The following C9orf85 variants were observed in gnomAD, a reference collection of about 807,000 sequenced individuals.
C9orf85 encodes the protein uncharacterized protein C9orf85.
In C9orf85, 16 loss-of-function variants were observed where a neutral mutation model predicts 14.9. The ratio of observed to expected loss-of-function variants is 1.08; its 90% CI spans 0.73 to 1.63. The LOEUF (loss-of-function observed/expected upper bound fraction) is 1.63. C9orf85 is among the 40% of genes most tolerant of loss of function. C9orf85 has a pLI of 0.00. For synonymous variants in C9orf85, 45 were observed against 56.8 expected (o/e 0.79, Z 0.93); for missense variants, 172 against 186.1 (o/e 0.92, Z 0.44).
At chr9:71,925,305 G>A (rs1228163961) in intron 1 of C9orf85, among the ~76,000 whole-genome samples, 2 of 152,180 alleles carry the variant, frequency 1.3e-5, no homozygotes, top group African/African-American at 4.8e-5. Context: ...TGGATCACTT[G>A]AGGTCAGAAG....
At chr9:71,937,347 A>G (rs1198644125) in intron 1 of C9orf85, among the ~76,000 whole-genome samples, 2 of 152,200 alleles carry the variant, frequency 1.3e-5, no homozygotes, top group African/African-American at 4.8e-5. Flanking sequence ...GAAATAAATC[A>G]GTGGTTAGTT....
At chr9:71,955,986 A>G (rs1589264174) in intron 2 of C9orf85, among the ~76,000 whole-genome samples, 1 of 152,326 alleles carries the variant, frequency 6.6e-6, no homozygotes, top group Admixed American at 6.5e-5. Flanking sequence ...TTTGTAGTCA[A>G]TGAAAAGGAA....
intron 1 of C9orf85, among the ~76,000 whole-genome samples, chr9:71,919,108 G>A (rs1827728991): frequency 6.6e-6 from 1 of 152,114 alleles, no homozygotes; most frequent in South Asian, 2.1e-4. Context: ...CTAATTTCGT[G>A]GGTTGTGATG....
downstream of C9orf85, among the ~76,000 whole-genome samples, chr9:71,977,349 ATAGCACTTACGTG>A (rs562665159): frequency 3.6e-3 from 550 of 152,372 alleles, 4 homozygotes; most frequent in African/African-American, 0.012. Context: ...ACCCTATTTT[ATAGCACTTACGTG>A]CTATGGCAAA....
At chr9:71,960,852 C>G (rs538188028) in intron 2 of C9orf85, among the ~76,000 whole-genome samples, 17 of 150,966 alleles carry the variant, frequency 1.1e-4, no homozygotes, top group African/African-American at 3.7e-4. Context: ...ACATATCTAT[C>G]TGTTCCTTCA....
chr9:71,955,046 T>G (rs1018569730), intron 2 of C9orf85, among the ~76,000 whole-genome samples: 1 of 152,180 alleles, frequency 6.6e-6, no homozygotes, highest in Non-Finnish European at 1.5e-5. Context: ...AGGGAAGAAT[T>G]TCTATACCCC....
At chr9:71,958,503 C>T (rs938364350) in intron 2 of C9orf85, among the ~76,000 whole-genome samples, 2 of 151,904 alleles carry the variant, frequency 1.3e-5, no homozygotes, top group South Asian at 4.1e-4. Flanking sequence ...CTCAGGTGAT[C>T]CGCCCGCCTC....
intron 2 of C9orf85, among the ~76,000 whole-genome samples, chr9:71,947,365 T>C (rs549611260): frequency 1.3e-4 from 20 of 152,198 alleles, no homozygotes; most frequent in African/African-American, 1.9e-4. Context: ...ACTTTATTCA[T>C]GAAAGGTGGG....
At position 71,979,263 on chromosome 9, in the gene C9orf85, G is replaced by A. The variant is rs538457042; in HGVS notation, c.324-3394G>A. ...ACACTGTTCTCATTTCTTTACCTTC[G>A]TGACGTTATGTTATGTGTGCCTTTC... is the stretch of plus-strand genomic sequence containing the variant. On this transcript the variant is annotated intron_variant, in intron 3 of 3. Transcript: ENST00000377031. 1.6e-4 allele frequency among the ~76,000 whole-genome samples: 24 copies of A among 152,232 alleles called. No individual in the cohort carries two copies. In the East Asian group the frequency reaches 4.6e-3, roughly 29 times the overall value.
downstream of C9orf85, chr9:71,985,904 A>T (rs1823203852): frequency 6.6e-6 from 1 of 152,208 alleles, no homozygotes; most frequent in Non-Finnish European, 1.5e-5. Flanking sequence ...CTGATAAGAG[A>T]TTATTTTGTT....
chr9:71,945,413 T>C (rs566390636), intron 1 of C9orf85, among the ~76,000 whole-genome samples: 2 of 152,298 alleles, frequency 1.3e-5, no homozygotes, highest in Non-Finnish European at 2.9e-5. Context: ...GAACTGGGAC[T>C]CTCCATCTAT....
At chr9:71,980,279 G>A (rs1823074934) in intron 3 of C9orf85, among the ~76,000 whole-genome samples, 1 of 152,074 alleles carries the variant, frequency 6.6e-6, no homozygotes, top group South Asian at 2.1e-4. Context: ...CTTCCAAAGT[G>A]CTGGGATTAC....
At chr9:71,938,402 C>G (rs753640762) in intron 1 of C9orf85, among the ~76,000 whole-genome samples, 1 of 151,986 alleles carries the variant, frequency 6.6e-6, no homozygotes, top group Non-Finnish European at 1.5e-5. Context: ...TAAGTTTGGT[C>G]ATTTTTTTAA....
intron 2 of C9orf85, among the ~76,000 whole-genome samples, chr9:71,956,246 T>G (rs1324207996): frequency 1.4e-5 from 2 of 143,296 alleles, no homozygotes; most frequent in African/African-American, 5.2e-5. Flanking sequence ...GCAAAAGTTT[T>G]TTTTTTTTTT....
At chr9:71,971,843 A>G (rs1010190629) in intron 3 of C9orf85, among the ~76,000 whole-genome samples, 5 of 151,964 alleles carry the variant, frequency 3.3e-5, no homozygotes, top group Non-Finnish European at 5.9e-5. Flanking sequence ...GCACAGTGGC[A>G]GGCGCCTGTA....
chr9:71,976,269 A>C (rs1215737887), downstream of C9orf85, among the ~76,000 whole-genome samples: 2 of 152,214 alleles, frequency 1.3e-5, no homozygotes, highest in Non-Finnish European at 2.9e-5. Flanking sequence ...GATATCTGGC[A>C]GGAGGATATC....
chr9:71,963,451 C>A (rs539087493), intron 2 of C9orf85, among the ~76,000 whole-genome samples: 8 of 152,128 alleles, frequency 5.3e-5, no homozygotes, highest in Non-Finnish European at 1.0e-4. Context: ...ACTTGAGGAG[C>A]CCTTCAGCCC....
At chr9:71,965,267 T>C (rs1375826555) in intron 2 of C9orf85, among the ~76,000 whole-genome samples, 1 of 152,162 alleles carries the variant, frequency 6.6e-6, no homozygotes, top group Non-Finnish European at 1.5e-5. Flanking sequence ...TTTCTTTACC[T>C]CCTGTTTTTG....
chr9:71,939,056 ATTCT>A (rs1828266395), intron 1 of C9orf85, among the ~76,000 whole-genome samples: 1 of 129,838 alleles, frequency 7.7e-6, no homozygotes, highest in African/African-American at 2.7e-5. Flanking sequence ...ACTTGTCTTT[ATTCT>A]TTATCTGTAT....
Sources: gnomAD v4.1 joint callset for allele counts (sites outside exome capture counted in the v4.1 genomes callset) on GRCh38, gnomAD v4.1.1 for gene constraint, MANE v1.5 for transcripts, NCBI Gene and HGNC (gene_info 2026-07-23, HGNC 2026-07-21) for gene names.